Variants in ZFHX3 observed in about 807,000 individuals in gnomAD.
ZFHX3 encodes the protein zinc finger homeobox protein 3.
In ZFHX3, 42 loss-of-function variants were observed where a neutral mutation model predicts 279.1. The observed-to-expected ratio is 0.15, with a 90% CI of 0.12 to 0.19. ZFHX3 has a LOEUF of 0.19. ZFHX3 is among the 10% of genes least tolerant of loss of function. The pLI is 1.00. For synonymous variants in ZFHX3, 2,293 were observed against 1,957.8 expected, an observed-to-expected ratio of 1.17 and a Z score of -4.52; for missense variants, 4,981 against 4,754.0, an observed-to-expected ratio of 1.05 and a Z score of -1.40.
chr16:73,508,120 C>T (rs574927086), intron 2 of ZFHX3, among the ~76,000 whole-genome samples: 2 of 152,112 alleles, frequency 1.3e-5, no homozygotes, highest in African/African-American at 2.4e-5. Context: ...AATATCAAAT[C>T]GAGGCTCACA....
At chr16:72,806,738 A>T (rs1050478345) in intron 7 of ZFHX3, among the ~76,000 whole-genome samples, 9 of 152,178 alleles carry the variant, frequency 5.9e-5, no homozygotes, top group Admixed American at 5.2e-4. Flanking sequence ...ATTGGTCTCA[A>T]AAGAGATACC....
chr16:73,227,866 A>AAAAAAAAAAAAAAAAAAAAC (rs2012651723), intron 5 of ZFHX3, among the ~76,000 whole-genome samples: 1 of 151,344 alleles, frequency 6.6e-6, no homozygotes, highest in African/African-American at 2.4e-5. Context: ...AAAAAAAAAA[A>AAAAAAAAAAAAAAAAAAAAC]AAAAAAAGAC....
intron 2 of ZFHX3, among the ~76,000 whole-genome samples, chr16:73,658,899 T>G (rs962728223): frequency 3.3e-5 from 5 of 152,138 alleles, no homozygotes; most frequent in African/African-American, 1.2e-4. Flanking sequence ...AAAATAAACA[T>G]AAATAATGGA....
At chr16:73,169,506 G>T (rs11640347) in intron 5 of ZFHX3, among the ~76,000 whole-genome samples, 1 of 152,238 alleles carries the variant, frequency 6.6e-6, no homozygotes, top group Non-Finnish European at 1.5e-5. Flanking sequence ...GCTGGGTGTG[G>T]TGGCGTGTGC....
intron 2 of ZFHX3, among the ~76,000 whole-genome samples, chr16:73,635,657 T>C (rs1054668014): frequency 1.3e-5 from 2 of 152,094 alleles, no homozygotes; most frequent in Non-Finnish European, 2.9e-5. Flanking sequence ...CACCCTGTGA[T>C]CTTGATTTCA....
intron 3 of ZFHX3, among the ~76,000 whole-genome samples, chr16:72,923,354 AG>A (rs1959250299): frequency 6.7e-6 from 1 of 149,106 alleles, no homozygotes; most frequent in Non-Finnish European, 1.5e-5. Flanking sequence ...CAGAGGTGGG[AG>A]GATCTGTAGA....
At chr16:72,839,193 C>CG in intron 4 of ZFHX3, among the ~76,000 whole-genome samples, 1 of 150,658 alleles carries the variant, frequency 6.6e-6, no homozygotes, top group East Asian at 2.0e-4. Context: ...CCATCTCTCC[C>CG]TTCCCCCCCC....
At chr16:73,545,366 G>A (rs2020091468) in intron 2 of ZFHX3, among the ~76,000 whole-genome samples, 1 of 152,048 alleles carries the variant, frequency 6.6e-6, no homozygotes, top group Admixed American at 6.5e-5. Flanking sequence ...GGGGTGGCAG[G>A]GTATATTATT....
intron 1 of ZFHX3, among the ~76,000 whole-genome samples, chr16:73,832,910 GA>G (rs1371704418): frequency 1.3e-5 from 2 of 152,134 alleles, no homozygotes; most frequent in Non-Finnish European, 2.9e-5. Context: ...GGAGGATTTT[GA>G]AATCATGAGG....
chr16:73,305,609 C>G (rs534602095), intron 4 of ZFHX3, among the ~76,000 whole-genome samples: 1 of 151,906 alleles, frequency 6.6e-6, no homozygotes, highest in Admixed American at 6.6e-5. Flanking sequence ...AGTTATCAGC[C>G]CTGCAACTTC....
At chr16:73,425,777 A>T (rs1279313992) in intron 3 of ZFHX3, among the ~76,000 whole-genome samples, 1 of 152,170 alleles carries the variant, frequency 6.6e-6, no homozygotes. Context: ...GCACACAGAT[A>T]TCAGCTATAT....
In ZFHX3 at chr16:73,890,819, A is replaced by G. The variant is rs189269914; in HGVS notation, c.-1608+832T>C. The stretch of plus-strand genomic sequence containing the variant: ...CTAGGGCTCCGGCACTGACCACTTA[A>G]AATTCAAATTTCACACTAACGATAA... On this transcript the variant is annotated intron_variant, in intron 1 of 17. Coordinates refer to the ZFHX3 transcript ENST00000641206. 2.4e-3 allele frequency among the ~76,000 whole-genome samples: 366 copies of G among 152,170 alleles called. 1 individual carries two copies. The highest frequency in any genetic ancestry group is 4.4e-3 in the Non-Finnish European group (301 of 67,996).
At chr16:73,615,905 T>C (rs2052296607) in intron 2 of ZFHX3, among the ~76,000 whole-genome samples, 1 of 152,192 alleles carries the variant, frequency 6.6e-6, no homozygotes, top group Non-Finnish European at 1.5e-5. Flanking sequence ...CTATGATGCT[T>C]TTTTAAACTA....
At chr16:73,535,708 T>C (rs2019887891) in intron 2 of ZFHX3, among the ~76,000 whole-genome samples, 1 of 149,400 alleles carries the variant, frequency 6.7e-6, no homozygotes, top group Non-Finnish European at 1.5e-5. Context: ...CCTTGGGTTC[T>C]ATGTGCCCCC....
At chr16:73,032,793 G>A (rs1023538692) in intron 1 of ZFHX3, among the ~76,000 whole-genome samples, 4 of 152,082 alleles carry the variant, frequency 2.6e-5, no homozygotes, top group South Asian at 2.1e-4. Context: ...CAACGAGAGC[G>A]GATGGAGGAC....
At chr16:72,970,136 C>G (rs4414519) in intron 1 of ZFHX3, among the ~76,000 whole-genome samples, 42,331 of 151,810 alleles carry the variant, frequency 0.28, 6,288 homozygotes, top group Non-Finnish European at 0.32. Context: ...TCGTGGAGGG[C>G]AACAGGAGAG....
chr16:73,785,786 T>A (rs1959624630), intron 1 of ZFHX3, among the ~76,000 whole-genome samples: 1 of 152,212 alleles, frequency 6.6e-6, no homozygotes, highest in Non-Finnish European at 1.5e-5. Context: ...TCTTCTCTCC[T>A]CTCTGAAATG....
intron 3 of ZFHX3, among the ~76,000 whole-genome samples, chr16:73,358,022 C>T (rs1023025903): frequency 6.6e-6 from 1 of 152,230 alleles, no homozygotes; most frequent in Admixed American, 6.5e-5. Flanking sequence ...ATCAGCCCTG[C>T]TCCTTCCAGG....
At chr16:73,781,484 C>A (rs1259105404) in intron 1 of ZFHX3, among the ~76,000 whole-genome samples, 4 of 152,120 alleles carry the variant, frequency 2.6e-5, no homozygotes, top group Admixed American at 1.3e-4. Flanking sequence ...TAGAACACAG[C>A]CACACTCATC....
Sources: gnomAD v4.1 joint callset for allele counts (sites outside exome capture counted in the v4.1 genomes callset) on GRCh38, gnomAD v4.1.1 for gene constraint, MANE v1.5 for transcripts, NCBI Gene and HGNC (gene_info 2026-07-23, HGNC 2026-07-21) for gene names.